FER1L6: variants seen among roughly 807,000 people sequenced by gnomAD.
FER1L6 encodes fer-1 like family member 6.
In FER1L6, 177 loss-of-function variants were observed where a neutral mutation model predicts 219.2. That is an observed-to-expected ratio of 0.81 (90% CI 0.71 to 0.91). The LOEUF is 0.91. Among genes scored for constraint, FER1L6 ranks in the 40% least tolerant of loss-of-function variants. The pLI, the probability that FER1L6 is intolerant of heterozygous loss-of-function variation, is 0.00. For synonymous variants in FER1L6, 768 were observed against 824.3 expected (o/e 0.93, Z 1.17); for missense variants, 2,153 against 2,259.9 (o/e 0.95, Z 0.96).
chr8:123,984,781 AC>A (rs1281700570), intron 11 of FER1L6: 3 of 151,928 alleles, frequency 2.0e-5, no homozygotes, highest in African/African-American at 7.3e-5. Context: ...TGATATGGAA[AC>A]CCTTTGGTTC....
chr8:123,914,621 G>T (rs1246592025), intron 1 of FER1L6, among the ~76,000 whole-genome samples: 1 of 152,154 alleles, frequency 6.6e-6, no homozygotes, highest in African/African-American at 2.4e-5. Flanking sequence ...CAGACATCAG[G>T]ATTTTGCTGT....
intron 1 of FER1L6, among the ~76,000 whole-genome samples, chr8:123,940,031 A>G (rs1447951347): frequency 6.6e-6 from 1 of 152,238 alleles, no homozygotes; most frequent in Non-Finnish European, 1.5e-5. Context: ...ACCCAAAGGC[A>G]GTGTCTTATT....
intron 1 of FER1L6, among the ~76,000 whole-genome samples, chr8:123,909,129 C>T (rs61059699): frequency 0.018 from 2,745 of 152,240 alleles, 69 homozygotes; most frequent in African/African-American, 0.062. Flanking sequence ...GATAAAACAA[C>T]CACCCTATAA....
intron 1 of FER1L6, among the ~76,000 whole-genome samples, chr8:123,868,205 A>G (rs1816869436): frequency 6.6e-6 from 1 of 152,226 alleles, no homozygotes; most frequent in Non-Finnish European, 1.5e-5. Flanking sequence ...GTTTTCAAAC[A>G]GGCGAGTAGG....
chr8:123,854,686 C>G (rs1279882383), intron 1 of FER1L6, among the ~76,000 whole-genome samples: 1 of 152,052 alleles, frequency 6.6e-6, no homozygotes, highest in East Asian at 1.9e-4. Context: ...GGGATGGGCT[C>G]TCAGCAGAAC....
intron 26 of FER1L6, 34 bp downstream of exon 26, chr8:124,064,607 C>G: frequency 6.3e-7 from 1 of 1,587,376 alleles, no homozygotes; most frequent in Non-Finnish European, 8.6e-7. Context: ...ATTTACAAGG[C>G]TCATTGGAGT....
chr8:123,923,941 G>GAAAAA, intron 1 of FER1L6, among the ~76,000 whole-genome samples: 1 of 94,774 alleles, frequency 1.1e-5, no homozygotes, highest in South Asian at 3.8e-4. Flanking sequence ...CTCCAACTAA[G>GAAAAA]AAAAAAAAAA....
chr8:124,075,707 T>C (rs1212347550), intron 31 of FER1L6, among the ~76,000 whole-genome samples: 3 of 152,226 alleles, frequency 2.0e-5, no homozygotes, highest in Admixed American at 6.5e-5. Flanking sequence ...GCGAGTAATG[T>C]GTTGCACTAC....
At chr8:123,941,676 A>C (rs954015399) in intron 1 of FER1L6, among the ~76,000 whole-genome samples, 1 of 152,218 alleles carries the variant, frequency 6.6e-6, no homozygotes, top group African/African-American at 2.4e-5. Context: ...TCTGCAGAAA[A>C]ATAAAAGGAG....
intron 32 of FER1L6, among the ~76,000 whole-genome samples, chr8:124,077,115 C>T (rs529123358): frequency 6.6e-6 from 1 of 152,290 alleles, no homozygotes; most frequent in South Asian, 2.1e-4. Context: ...TGCTACATAC[C>T]AGCTCTACAA....
intron 2 of FER1L6, among the ~76,000 whole-genome samples, chr8:123,963,074 A>C (rs1322566329): frequency 6.6e-6 from 1 of 152,190 alleles, no homozygotes; most frequent in Non-Finnish European, 1.5e-5. Flanking sequence ...TTTTTTGGAA[A>C]CAGAAGATAC....
chr8:123,870,005 A>G (rs180763977), intron 1 of FER1L6, among the ~76,000 whole-genome samples: 1 of 152,366 alleles, frequency 6.6e-6, no homozygotes, highest in Admixed American at 6.5e-5. Flanking sequence ...CTACACAGAC[A>G]TTATACAGAA....
At chr8:123,989,800 AT>A (rs1447764217) in intron 12 of FER1L6, among the ~76,000 whole-genome samples, 38 of 152,170 alleles carry the variant, frequency 2.5e-4, no homozygotes, top group African/African-American at 9.2e-4. Context: ...CATTTTCTTT[AT>A]CTACTCATTA....
Position 124,066,422 on chromosome 8 carries a change from T to C in FER1L6, c.3556-6T>C. The stretch of plus-strand genomic sequence containing the variant: ...ACTAATAACCCATTCCCTCATCCCT[T>C]GCCAGGATCCCAGGAAGCCTTCCCG... On this transcript the variant is annotated splice_region_variant and splice_polypyrimidine_tract_variant and intron_variant, in intron 26 of 40. Coordinates refer to ENST00000522917, the MANE Select transcript of FER1L6 (RefSeq NM_001039112.2). 6.2e-7 allele frequency: 1 copy of C among 1,613,324 alleles called. No homozygotes were observed. Among genetic ancestry groups the C allele is most frequent in the South Asian group, 1.1e-5 (1 of 90,992 alleles).
At chr8:123,950,259 T>A (rs574159979) in intron 1 of FER1L6, among the ~76,000 whole-genome samples, 3 of 152,326 alleles carry the variant, frequency 2.0e-5, no homozygotes, top group Admixed American at 6.5e-5. Flanking sequence ...GATGCTTAGC[T>A]GTAGAGGGTG....
intron 1 of FER1L6, among the ~76,000 whole-genome samples, chr8:123,856,795 G>A (rs1346987622): frequency 2.0e-5 from 3 of 151,868 alleles, no homozygotes; most frequent in East Asian, 1.9e-4. Context: ...CCCCATTCCC[G>A]TTTATTTGCT....
chr8:123,936,909 A>T (rs1376241165), intron 1 of FER1L6, among the ~76,000 whole-genome samples: 1 of 152,152 alleles, frequency 6.6e-6, no homozygotes, highest in Non-Finnish European at 1.5e-5. Context: ...CTGTTAAAGA[A>T]CATTTTTTTT....
At chr8:124,015,931 C>T (rs892620830) in intron 15 of FER1L6, 1 of 152,602 alleles carries the variant, frequency 6.6e-6, no homozygotes, top group South Asian at 2.1e-4. Context: ...GGCCAAGCAG[C>T]TCAACAGGGC....
chr8:123,963,347 T>C lies in FER1L6; in HGVS notation c.146T>C (p.Val49Ala). ...CAGGAAGGACCGAGAGGAGATTTGG[T>C]CCATGATGATGCTTCTATCTTTCCT... ...SHQEGPRGDL[V>A]HDDASIFPVP... The change falls in exon 3 of 41, where the codon GTC (valine) becomes GCC (alanine). Residue 49 changes from valine to alanine, a missense_variant. By Grantham distance (64) the Val-to-Ala change is moderately conservative. Coordinates refer to ENST00000522917, the MANE Select transcript of FER1L6 (RefSeq NM_001039112.2). 6.2e-7 allele frequency: 1 copy of C among 1,614,168 alleles called. No homozygotes were observed. Among genetic ancestry groups the C allele is most frequent in the East Asian group, 2.2e-5 (1 of 44,880 alleles).
Sources: allele counts gnomAD v4.1 joint callset (sites outside exome capture counted in the v4.1 genomes callset), GRCh38; gene constraint gnomAD v4.1.1; transcripts MANE v1.5; gene names NCBI Gene and HGNC (gene_info 2026-07-23, HGNC 2026-07-21).